SAMHD1: variants seen among roughly 807,000 people sequenced by gnomAD.
The protein encoded by SAMHD1 is deoxynucleoside triphosphate triphosphohydrolase SAMHD1.
In SAMHD1, 54 loss-of-function variants were observed where a neutral mutation model predicts 79.6. That is an observed-to-expected ratio of 0.68 (90% CI 0.55 to 0.85). SAMHD1 has a LOEUF of 0.85. Ranked by LOEUF, SAMHD1 falls within the 40% of genes least tolerant of loss-of-function variation. The pLI, the probability that SAMHD1 is intolerant of heterozygous loss-of-function variation, is 0.00. For synonymous variants in SAMHD1, 260 were observed against 264.1 expected, an observed-to-expected ratio of 0.98 and a Z score of 0.15; for missense variants, 663 against 782.7, an observed-to-expected ratio of 0.85 and a Z score of 1.82.
intron 9 of SAMHD1, among the ~76,000 whole-genome samples, chr20:36,912,870 C>G (rs925253853): frequency 5.6e-5 from 7 of 124,208 alleles, no homozygotes; most frequent in Non-Finnish European, 1.1e-4. Flanking sequence ...CCACTGTACC[C>G]AGCTAACTTT....
At chr20:36,949,743 G>A (rs1338172362) in intron 1 of SAMHD1, among the ~76,000 whole-genome samples, 7 of 127,312 alleles carry the variant, frequency 5.5e-5, no homozygotes, top group Admixed American at 2.8e-4. Context: ...GCGACAGAGC[G>A]AGACTCTGTC....
chr20:36,931,504 G>C (rs1038951241), intron 4 of SAMHD1, among the ~76,000 whole-genome samples: 4 of 152,120 alleles, frequency 2.6e-5, no homozygotes, highest in African/African-American at 9.7e-5. Flanking sequence ...CAGCATGGTG[G>C]CAGGTACCTG....
chr20:36,936,711 G>A (rs6130149), intron 3 of SAMHD1, among the ~76,000 whole-genome samples: 2 of 151,936 alleles, frequency 1.3e-5, no homozygotes, highest in African/African-American at 4.8e-5. Context: ...ACAGAGTCTA[G>A]CTCTATCACA....
chr20:36,951,404 C>T (rs767875562), intron 1 of SAMHD1, 32 bp downstream of exon 1: 3 of 1,611,720 alleles, frequency 1.9e-6, no homozygotes, highest in East Asian at 4.5e-5. Flanking sequence ...AGGTCGCCGC[C>T]CTTCGCCCCT....
intron 3 of SAMHD1, 143 bp from the exon 4 acceptor site, chr20:36,935,332 C>A: frequency 1.4e-6 from 1 of 699,978 alleles, no homozygotes; most frequent in South Asian, 1.6e-5. Flanking sequence ...AAGATGTTAA[C>A]ATCATTACCT....
chr20:36,950,654 CTG>C (rs1346414465), intron 1 of SAMHD1, among the ~76,000 whole-genome samples: 1 of 152,186 alleles, frequency 6.6e-6, no homozygotes, highest in Non-Finnish European at 1.5e-5. Flanking sequence ...TGTGGCCAAA[CTG>C]TGGCATGCTG....
chr20:36,936,895 C>G (rs1348324342), intron 3 of SAMHD1, among the ~76,000 whole-genome samples: 2 of 151,940 alleles, frequency 1.3e-5, no homozygotes, highest in East Asian at 3.9e-4. Flanking sequence ...AATGCCAGCA[C>G]TTTGGGAGGC....
In SAMHD1 at chr20:36,901,026, T is replaced by C. The variant is rs558689547; in HGVS notation, c.1504-2482A>G. On this transcript the variant is annotated intron_variant, in intron 13 of 15. Transcript: ENST00000646673. ...AAAATAGACAGTTATCATTTATCAATTTAAAAAATACATAAAATAAAAACA... is the reference window on the plus strand; with the variant it reads ...AAAATAGACAGTTATCATTTATCAACTTAAAAAATACATAAAATAAAAACA... 1.3e-5 allele frequency among the ~76,000 whole-genome samples: 2 copies of C among 152,092 alleles called. 1 individual carries two copies. The highest frequency in any genetic ancestry group is 4.8e-5 in the African/African-American group (2 of 41,486).
intron 11 of SAMHD1, among the ~76,000 whole-genome samples, chr20:36,908,104 G>A (rs1386248276): frequency 6.6e-6 from 1 of 152,018 alleles, no homozygotes; most frequent in African/African-American, 2.4e-5. Context: ...TTGAACTCCT[G>A]AACTCAAGTG....
At position 36,927,221 on chromosome 20, in the gene SAMHD1, T is replaced by TC; in HGVS notation, c.656dup (p.Arg220ThrfsTer15). On this transcript the variant is annotated frameshift_variant, in exon 6 of 16. Coordinates refer to ENST00000646673, the MANE Select transcript of SAMHD1 (RefSeq NM_015474.4). LOFTEE classifies it high-confidence loss of function. ...CCGGGCGAGCAAGTGGAATAAATCGTCCATCAAACATGTGAGAAAATGGCC... is the reference window on the plus strand; with the variant it reads ...CCGGGCGAGCAAGTGGAATAAATCGTCCCATCAAACATGTGAGAAAATGGCC... 3 of 1,613,580 alleles carry TC rather than the reference T, an allele frequency of 1.9e-6. No homozygotes were observed. The highest frequency in any genetic ancestry group is 2.5e-6 in the Non-Finnish European group (3 of 1,179,872).
chr20:36,935,573 T>A (rs1002859000), intron 3 of SAMHD1, among the ~76,000 whole-genome samples: 1 of 112,904 alleles, frequency 8.9e-6, no homozygotes, highest in Non-Finnish European at 2.2e-5. Flanking sequence ...TATGTCTAAT[T>A]TTTTTTTTTT....
chr20:36,930,751 A>G lies in SAMHD1; in HGVS notation c.625+9T>C. 1 of 1,581,036 alleles carries G rather than the reference A, an allele frequency of 6.3e-7. No homozygotes were observed. The highest frequency in any genetic ancestry group is 8.7e-7 in the Non-Finnish European group (1 of 1,150,086). ...TTACATAACAACTTTGTCTCTTTGT[A>G]CAGCTTACCGAGATCATGACAAAGT... On this transcript the variant is annotated intron_variant, in intron 5 of 15. Transcript: ENST00000646673.
At chr20:36,947,476 GGT>G (rs1183056232) in intron 1 of SAMHD1, among the ~76,000 whole-genome samples, 2 of 110,506 alleles carry the variant, frequency 1.8e-5, no homozygotes, top group Admixed American at 1.0e-4. Flanking sequence ...ATTTGGAAGA[GGT>G]GTGTGTGTGT....
At chr20:36,946,387 TG>T (rs2063686466) in intron 2 of SAMHD1, 1 of 222,538 alleles carries the variant, frequency 4.5e-6, no homozygotes, top group African/African-American at 2.6e-5. Flanking sequence ...CACTCCAGCC[TG>T]GGAGACAGAG....
chr20:36,923,396 C>T (rs982874772), intron 6 of SAMHD1, among the ~76,000 whole-genome samples: 28 of 150,952 alleles, frequency 1.9e-4, no homozygotes, highest in Admixed American at 8.6e-4. Flanking sequence ...AGCTCCTGCC[C>T]GGGTGACAGG....
rs2063632460 is a variant in SAMHD1 at position 36,940,102 on chromosome 20, G to A, written c.348+937C>T. On this transcript the variant is annotated intron_variant, in intron 3 of 15. Transcript: ENST00000646673. ...TATGCCTGTAATCCCAGCTACTTGG[G>A]AGGCTGAGGCAGGAGAATCACTTGA... 5 of 152,012 alleles carry A rather than the reference G, an allele frequency of 3.3e-5. 1 individual carries two copies. In the South Asian group the frequency reaches 1.0e-3, roughly 32 times the overall value. 9.4% of individuals were successfully genotyped at this position (152,012 alleles called of 1,614,324 possible).
At chr20:36,896,084 CTTTTT>C (rs896947614) in intron 15 of SAMHD1, among the ~76,000 whole-genome samples, 4 of 151,480 alleles carry the variant, frequency 2.6e-5, no homozygotes, top group African/African-American at 7.3e-5. Context: ...CTTTTCTTTT[CTTTTT>C]GAGACAGAGT....
intron 15 of SAMHD1, among the ~76,000 whole-genome samples, chr20:36,896,974 T>C (rs549145179): frequency 6.6e-6 from 1 of 152,186 alleles, no homozygotes; most frequent in Admixed American, 6.6e-5. Context: ...TACCCTGCAT[T>C]CTCCCTGCTA....
chr20:36,950,846 C>A lies in SAMHD1; in HGVS notation c.208+590G>T, dbSNP rs901890732. ...CAGAGATTAACCAAGCCAGTTCCTT[C>A]CCCTTCAGGAAAAGCCTCAATTCAG... On this transcript the variant is annotated intron_variant, in intron 1 of 15. Coordinates refer to ENST00000646673, the MANE Select transcript of SAMHD1 (RefSeq NM_015474.4). 2.9e-4 allele frequency among the ~76,000 whole-genome samples: 44 copies of A among 152,322 alleles called. 1 individual carries two copies. The highest frequency in any genetic ancestry group is 9.9e-4 in the African/African-American group (41 of 41,584).
Sources: allele counts gnomAD v4.1 joint callset (sites outside exome capture counted in the v4.1 genomes callset), GRCh38; gene constraint gnomAD v4.1.1; transcripts MANE v1.5; gene names NCBI Gene and HGNC (gene_info 2026-07-23, HGNC 2026-07-21).